Variants in TEAD1 observed in about 807,000 individuals in gnomAD.
TEAD1 encodes the protein transcriptional enhancer factor TEF-1.
TEAD1 carries 9 observed loss-of-function variants against 54.9 expected under a neutral mutation model. That is an observed-to-expected ratio of 0.16 (90% confidence interval 0.10 to 0.29). TEAD1 has a LOEUF of 0.29. Ranked by LOEUF, TEAD1 falls within the 10% of genes least tolerant of loss-of-function variation. The pLI, the probability that TEAD1 is intolerant of heterozygous loss-of-function variation, is 1.00. For missense variants in TEAD1, 387 were observed against 535.9 expected, an observed-to-expected ratio of 0.72 and a Z score of 2.74; for synonymous variants, 200 against 187.8, an observed-to-expected ratio of 1.07 and a Z score of -0.53.
intron 3 of TEAD1, among the ~76,000 whole-genome samples, chr11:12,841,581 A>T (rs1459384416): frequency 6.6e-6 from 1 of 152,158 alleles, no homozygotes; most frequent in Non-Finnish European, 1.5e-5. Flanking sequence ...GGCTGCTGTC[A>T]TGGTAGCTGC....
At chr11:12,795,544 CA>C (rs1945898570) in intron 3 of TEAD1, among the ~76,000 whole-genome samples, 1 of 152,170 alleles carries the variant, frequency 6.6e-6, no homozygotes, top group African/African-American at 2.4e-5. Context: ...CCAGCCTGTC[CA>C]AAGCCACTTC....
At chr11:12,684,544 G>A (rs562111138) in intron 2 of TEAD1, among the ~76,000 whole-genome samples, 13 of 152,242 alleles carry the variant, frequency 8.5e-5, no homozygotes, top group African/African-American at 2.9e-4. Context: ...GGAGAAGAAA[G>A]GTACTTTTGC....
chr11:12,721,293 A>T (rs1266395016), intron 2 of TEAD1, among the ~76,000 whole-genome samples: 1 of 152,142 alleles, frequency 6.6e-6, no homozygotes, highest in Non-Finnish European at 1.5e-5. Context: ...CCATTTACTA[A>T]TGAGATGACC....
intron 3 of TEAD1, among the ~76,000 whole-genome samples, chr11:12,801,050 G>A (rs965691228): frequency 6.6e-6 from 1 of 152,224 alleles, no homozygotes; most frequent in Non-Finnish European, 1.5e-5. Flanking sequence ...CGAGAAGAGT[G>A]AGATGTCCCT....
chr11:12,941,577 G>A lies in TEAD1; in HGVS notation c.*4355G>A, dbSNP rs1004923720. ...ATTTGTATAATTTTGTATATGCTCT[G>A]GTACACTACCTGAACTAACGAAGGG... On this transcript the variant is annotated 3_prime_UTR_variant, in exon 13 of 13. Transcript: ENST00000527636. 3.9e-5 allele frequency: 6 copies of A among 152,658 alleles called. No homozygotes were observed. Among genetic ancestry groups the A allele is most frequent in the Non-Finnish European group, 7.4e-5 (5 of 68,026 alleles). The allele number at this position is 152,658 out of a possible 1,614,324, so 9.5% of individuals were successfully genotyped here. A position where few individuals can be genotyped will look rare whatever the true frequency, so the allele number is the denominator to read the frequency against.
chr11:12,778,198 T>G (rs1945469615), intron 3 of TEAD1, among the ~76,000 whole-genome samples: 1 of 152,216 alleles, frequency 6.6e-6, no homozygotes, highest in South Asian at 2.1e-4. Context: ...ATTGTAATCG[T>G]TGATTATATT....
rs527838420 is a variant in TEAD1, at chr11:12,826,586, T to C, written c.203-35664T>C. 2.0e-5 allele frequency among the ~76,000 whole-genome samples: 3 copies of C among 152,288 alleles called. No homozygotes were observed. In the East Asian group the frequency reaches 5.8e-4, roughly 29 times the overall value. On this transcript the variant is annotated intron_variant, in intron 3 of 12. Coordinates refer to ENST00000527636, the MANE Select transcript of TEAD1 (RefSeq NM_021961.6). ...GGGATTTGAAATCAACCTGTTTGGGTTCAAATCATGGTTCACCTCTTACCG... is the reference window on the plus strand; with the variant it reads ...GGGATTTGAAATCAACCTGTTTGGGCTCAAATCATGGTTCACCTCTTACCG...
chr11:12,732,677 G>A (rs1305793333), intron 2 of TEAD1, among the ~76,000 whole-genome samples: 1 of 152,202 alleles, frequency 6.6e-6, no homozygotes, highest in Admixed American at 6.5e-5. Context: ...GGCAGACAGT[G>A]GAGGAATTCC....
At chr11:12,688,515 A>G (rs1209052485) in intron 2 of TEAD1, among the ~76,000 whole-genome samples, 1 of 152,122 alleles carries the variant, frequency 6.6e-6, no homozygotes, top group Non-Finnish European at 1.5e-5. Context: ...CTTAGTCTTC[A>G]TGCATTTCTT....
intron 2 of TEAD1, among the ~76,000 whole-genome samples, chr11:12,676,239 C>T (rs1215400427): frequency 6.6e-6 from 1 of 152,226 alleles, no homozygotes; most frequent in East Asian, 1.9e-4. Context: ...TCTTTCTCCC[C>T]GCTTTCCACC....
chr11:12,856,075 G>A (rs1308270889), intron 3 of TEAD1, among the ~76,000 whole-genome samples: 1 of 151,852 alleles, frequency 6.6e-6, no homozygotes, highest in East Asian at 1.9e-4. Flanking sequence ...TGCCGGCATG[G>A]GGTCTCCTGT....
intron 9 of TEAD1, among the ~76,000 whole-genome samples, chr11:12,885,345 C>T (rs898122690): frequency 7.3e-5 from 11 of 151,604 alleles, no homozygotes; most frequent in African/African-American, 2.4e-4. Flanking sequence ...ACGCCATTCT[C>T]CTGCCTCAGC....
intron 3 of TEAD1, among the ~76,000 whole-genome samples, chr11:12,820,327 G>A (rs1394401228): frequency 6.6e-6 from 1 of 151,972 alleles, no homozygotes; most frequent in African/African-American, 2.4e-5. Flanking sequence ...AAAGCCATAG[G>A]CACCTCCCAC....
intron 3 of TEAD1, among the ~76,000 whole-genome samples, chr11:12,837,301 A>ACT (rs1564958112): frequency 1.3e-5 from 2 of 152,252 alleles, no homozygotes; most frequent in East Asian, 3.9e-4. Flanking sequence ...ATTTCTGCAA[A>ACT]CAAGAAAAGG....
At chr11:12,840,246 C>CAAAAAAAAAA (rs1176865272) in intron 3 of TEAD1, among the ~76,000 whole-genome samples, 579 of 31,300 alleles carry the variant, frequency 0.018, 37 homozygotes, top group African/African-American at 0.023. Context: ...GACTCTGCCT[C>CAAAAAAAAAA]AAAAAAAAAA....
At chr11:12,833,843 T>C (rs890100914) in intron 3 of TEAD1, among the ~76,000 whole-genome samples, 4 of 152,192 alleles carry the variant, frequency 2.6e-5, no homozygotes, top group Non-Finnish European at 5.9e-5. Context: ...AAGAATCCCA[T>C]AGGTGCCTCC....
At chr11:12,707,957 T>C (rs1943855388) in intron 2 of TEAD1, among the ~76,000 whole-genome samples, 1 of 152,264 alleles carries the variant, frequency 6.6e-6, no homozygotes, top group African/African-American at 2.4e-5. Flanking sequence ...GACTGCAGCA[T>C]GAAATCTCAT....
rs1418288929 is a variant in TEAD1 at position 12,709,373 on chromosome 11, T to C, written c.-55+33812T>C. Among the ~76,000 whole-genome samples, 7 of 152,004 alleles carry C rather than the reference T, an allele frequency of 4.6e-5. No individual in the cohort carries two copies. The East Asian group carries it at 7.7e-4, about 17-fold the overall frequency. On this transcript the variant is annotated intron_variant, in intron 2 of 12. Transcript: ENST00000527636. The stretch of plus-strand genomic sequence containing the variant: ...AAAAAAAAAAACCAGAATAATTTGA[T>C]GTTTACTTTTTATAGTTTTGTTTCT...
intron 3 of TEAD1, among the ~76,000 whole-genome samples, chr11:12,833,269 A>C (rs542370625): frequency 2.0e-5 from 3 of 152,212 alleles, no homozygotes; most frequent in African/African-American, 7.2e-5. Flanking sequence ...GACTTTATCA[A>C]TGAGTTGAAA....
Sources: allele counts gnomAD v4.1 joint callset (sites outside exome capture counted in the v4.1 genomes callset), GRCh38; gene constraint gnomAD v4.1.1; transcripts MANE v1.5; gene names NCBI Gene and HGNC (gene_info 2026-07-23, HGNC 2026-07-21).